The following PARK7 variants were observed in gnomAD, a reference collection of about 807,000 sequenced individuals.
PARK7 encodes the protein Parkinson disease protein 7.
PARK7 carries 14 observed loss-of-function variants against 20.5 expected under a neutral mutation model. The ratio of observed to expected loss-of-function variants is 0.68; its 90% confidence interval spans 0.45 to 1.07. The LOEUF is 1.07. Ranked by LOEUF, PARK7 falls within the 50% of genes least tolerant of loss-of-function variation. The probability of loss-of-function intolerance (pLI) is 0.00; values close to 1 mark genes in which losing one functional copy is unlikely to be tolerated. For missense variants in PARK7, 234 were observed against 238.1 expected (o/e 0.98, Z 0.11); for synonymous variants, 98 against 84.3 (o/e 1.16, Z -0.89).
In PARK7 at chr1:7,969,406, T is replaced by TA. The variant is rs781094807; in HGVS notation, c.252+8dup. 379 of 1,424,174 alleles carry TA rather than the reference T, an allele frequency of 2.7e-4. 2 individuals carry two copies. In the Middle Eastern group the frequency reaches 4.8e-3, roughly 18 times the overall value. The allele number at this position is 1,424,174 out of a possible 1,614,324, so 88.2% of individuals were successfully genotyped here. ...CTGGGCGCACAGAATTTATCTGAGG[T>TA]AAAAAATTCTACTCAATTATACCTC... On this transcript the variant is annotated splice_region_variant and intron_variant, in intron 4 of 6. Transcript: ENST00000338639.
chr1:7,979,093 C>G (rs564332610), intron 6 of PARK7, among the ~76,000 whole-genome samples: 39 of 152,188 alleles, frequency 2.6e-4, no homozygotes, highest in African/African-American at 9.4e-4. Flanking sequence ...GTAACCTTCT[C>G]CTGGGGGTGG....
intron 6 of PARK7, among the ~76,000 whole-genome samples, chr1:7,978,117 C>T (rs12750531): frequency 0.13 from 19,700 of 150,490 alleles, 1,613 homozygotes; most frequent in Non-Finnish European, 0.17. Context: ...CTGCCTCAGC[C>T]TCCTGAGTAG....
intron 2 of PARK7, among the ~76,000 whole-genome samples, chr1:7,964,896 A>G (rs1019188568): frequency 6.6e-6 from 1 of 152,232 alleles, no homozygotes; most frequent in Non-Finnish European, 1.5e-5. Flanking sequence ...AAACCAGAAC[A>G]TTTGTGGGAG....
At chr1:7,970,583 C>T (rs1640444630) in intron 4 of PARK7, among the ~76,000 whole-genome samples, 1 of 152,222 alleles carries the variant, frequency 6.6e-6, no homozygotes, top group South Asian at 2.1e-4. Context: ...CATCTGAAAA[C>T]ACCCAAAACA....
At position 7,984,652 on chromosome 1, in the gene PARK7, G is replaced by C. The variant is rs1413959521; in HGVS notation, c.410-242G>C. Among the ~76,000 whole-genome samples the C allele has an allele frequency of 6.6e-6, 1 of 152,242 alleles. No individual in the cohort carries two copies. Among genetic ancestry groups the C allele is most frequent in the African/African-American group, 2.4e-5 (1 of 41,462 alleles). The stretch of plus-strand genomic sequence containing the variant: ...CCCAACACTTAAAGTCTTAGCAGCT[G>C]CATTTAACTCACGCATATTTGTTTC... On this transcript the variant is annotated intron_variant, in intron 6 of 6. Transcript: ENST00000338639. This position sits in a 1 kb window ranked among gnomAD's most constrained non-coding sequence, Gnocchi z 4.3.
At chr1:7,962,584 T>C (rs1436925820) in intron 1 of PARK7, among the ~76,000 whole-genome samples, 179 bp from the exon 2 acceptor site, 1 of 152,190 alleles carries the variant, frequency 6.6e-6, no homozygotes, top group African/African-American at 2.4e-5. Context: ...TTAAAACTGC[T>C]ATACAAATCA....
chr1:7,970,797 GT>G (rs1249365303), intron 4 of PARK7, 96 bp from the exon 5 acceptor site: 8 of 1,204,582 alleles, frequency 6.6e-6, no homozygotes, highest in Non-Finnish European at 9.7e-6. Context: ...AGAGCTTGTG[GT>G]TTAAACTAAA....
Position 7,984,236 on chromosome 1 carries a change from CTG to C in PARK7, c.410-653_410-652del, listed in dbSNP as rs980440556. ...TGGGTGTGGGGAGGGAGGTTAGGCTCTGTGTGCAGTGGAGAGGCTGGTGACTA... is the reference window on the plus strand; with the variant it reads ...TGGGTGTGGGGAGGGAGGTTAGGCTCTGTGCAGTGGAGAGGCTGGTGACTA... On this transcript the variant is annotated intron_variant, in intron 6 of 6. Transcript: ENST00000338639. This position sits in a 1 kb window ranked among gnomAD's most constrained non-coding sequence, Gnocchi z 4.3. Among the ~76,000 whole-genome samples, 1 of 152,054 alleles carries C rather than the reference CTG, an allele frequency of 6.6e-6. No homozygotes were observed. The highest frequency in any genetic ancestry group is 2.4e-5 in the African/African-American group (1 of 41,394).
chr1:7,981,848 C>G (rs371720679), intron 6 of PARK7, among the ~76,000 whole-genome samples: 1 of 151,320 alleles, frequency 6.6e-6, no homozygotes, highest in East Asian at 2.0e-4. Context: ...TTAGTAGAGA[C>G]GGGGTTTCAT....
rs1174474636 is a variant in PARK7 at position 7,985,110 on chromosome 1, CTG to C, written c.*60_*61del. The C allele has an allele frequency of 1.3e-6, 2 of 1,587,040 alleles. No individual in the cohort carries two copies. Among genetic ancestry groups the C allele is most frequent in the Non-Finnish European group, 1.7e-6 (2 of 1,167,458 alleles). On this transcript the variant is annotated 3_prime_UTR_variant, in exon 7 of 7. Transcript: ENST00000338639. ...ACAGGCCGTTAGGAATCCATTCTCA[CTG>C]TGTTCGCTCTAAACAAAACAGTGGT...
chr1:7,969,150 T>C (rs1489251090), intron 3 of PARK7, 195 bp from the exon 4 acceptor site: 1 of 557,772 alleles, frequency 1.8e-6, no homozygotes, highest in Non-Finnish European at 3.2e-6. Flanking sequence ...TACATACAGG[T>C]TTTCTGCATT....
intron 5 of PARK7, among the ~76,000 whole-genome samples, chr1:7,974,460 T>G (rs183806869): frequency 1.3e-5 from 2 of 151,566 alleles, no homozygotes; most frequent in Non-Finnish European, 2.9e-5. Context: ...AAACCCTGTC[T>G]CTCCTAAAAA....
chr1:7,982,036 C>T (rs566363339), intron 6 of PARK7, among the ~76,000 whole-genome samples: 37 of 126,824 alleles, frequency 2.9e-4, no homozygotes, highest in Middle Eastern at 6.3e-3. Context: ...AGTGCAGTGA[C>T]GCATCTCGGC....
chr1:7,975,868 A>G (rs1315363328), intron 5 of PARK7, among the ~76,000 whole-genome samples: 1 of 152,224 alleles, frequency 6.6e-6, no homozygotes, highest in East Asian at 1.9e-4. Context: ...ATCCATTCAA[A>G]TAAAAATTGA....
chr1:7,966,060 A>G (rs1417162925), intron 3 of PARK7, among the ~76,000 whole-genome samples: 1 of 152,226 alleles, frequency 6.6e-6, no homozygotes, highest in African/African-American at 2.4e-5. Context: ...ACCTTTAAGG[A>G]CGATGGACAC....
At position 7,971,116 on chromosome 1, in the gene PARK7, A is replaced by G. The variant is rs1228453418; in HGVS notation, c.322+153A>G. The G allele has an allele frequency of 5.1e-6, 4 of 782,024 alleles. No individual in the cohort carries two copies. In the East Asian group the frequency reaches 1.1e-4, roughly 21 times the overall value. The allele number at this position is 782,024 out of a possible 1,614,324, so 48.4% of individuals were successfully genotyped here. On this transcript the variant is annotated intron_variant, in intron 5 of 6. Transcript: ENST00000338639. ...GTTTGGGTGGCATGAAGTTGGTGTC[A>G]TTTCAGAGATGAGGACAATTGTTCT...
chr1:7,978,890 A>G (rs994560811), intron 6 of PARK7, among the ~76,000 whole-genome samples: 2 of 150,302 alleles, frequency 1.3e-5, no homozygotes, highest in African/African-American at 4.9e-5. Flanking sequence ...GTAGAATTTT[A>G]TCTATCACAT....
Position 7,984,966 on chromosome 1 carries a change from G to C in PARK7, c.482G>C (p.Ser161Thr). The C allele has an allele frequency of 1.2e-6, 2 of 1,614,210 alleles. No homozygotes were observed. Among genetic ancestry groups the C allele is most frequent in the South Asian group, 1.1e-5 (1 of 91,090 alleles). The change falls in exon 7 of 7, where the codon AGC (serine) becomes ACC (threonine). Residue 161 changes from serine to threonine, a missense_variant. Physicochemically the swap from Ser to Thr is moderately conservative, Grantham distance 58. Coordinates refer to ENST00000338639, the MANE Select transcript of PARK7 (RefSeq NM_007262.5). This position sits in a 1 kb window ranked among gnomAD's most constrained non-coding sequence, Gnocchi z 4.3. ...CTTACAAGCCGGGGGCCTGGGACCA[G>C]CTTCGAGTTTGCGCTTGCAATTGTT... ...LILTSRGPGT[S>T]FEFALAIVEA...
chr1:7,967,870 C>T (rs765313709), intron 3 of PARK7, among the ~76,000 whole-genome samples: 2 of 152,146 alleles, frequency 1.3e-5, no homozygotes, highest in African/African-American at 4.8e-5. Context: ...TAGTGAGCCA[C>T]GATTGCATCA....
Sources: gnomAD v4.1 joint callset for allele counts (sites outside exome capture counted in the v4.1 genomes callset) on GRCh38, gnomAD v4.1.1 for gene constraint, Gnocchi (gnomAD v3.1) non-coding constraint, MANE v1.5 for transcripts, NCBI Gene and HGNC (gene_info 2026-07-23, HGNC 2026-07-21) for gene names.